MRPL30: variants seen among roughly 807,000 people sequenced by gnomAD.
The protein encoded by MRPL30 is mitochondrial ribosomal protein L30, also known as large ribosomal subunit protein uL30m.
A neutral mutation model predicts 17.2 loss-of-function variants in MRPL30; 10 were observed. The ratio of observed to expected loss-of-function variants is 0.58; its 90% CI spans 0.36 to 0.99. The LOEUF is 0.99. MRPL30 is among the 50% of genes least tolerant of loss of function. The pLI, the probability that MRPL30 is intolerant of heterozygous loss-of-function variation, is 0.01. For synonymous variants in MRPL30, 61 were observed against 62.1 expected (o/e 0.98, Z 0.08); for missense variants, 170 against 189.8 (o/e 0.90, Z 0.61).
chr2:99,183,752 C>T (rs552961060), intron 1 of MRPL30, among the ~76,000 whole-genome samples: 45 of 152,246 alleles, frequency 3.0e-4, no homozygotes, highest in African/African-American at 1.0e-3. Flanking sequence ...TACCTGTGTA[C>T]AGTTGATGAA....
Position 99,199,496 on chromosome 2 carries a change from CA to C in MRPL30, c.*3795del, listed in dbSNP as rs1205586026. On this transcript the variant is annotated 3_prime_UTR_variant, in exon 6 of 6. Coordinates refer to ENST00000338148, the MANE Select transcript of MRPL30 (RefSeq NM_145212.4). ...TATTATTTCTGTTTATTTTTTGCCT[CA>C]AAATTATTAAATGACATGAAATAAG... 1.3e-5 allele frequency among the ~76,000 whole-genome samples: 2 copies of C among 151,950 alleles called. No individual in the cohort carries two copies. The highest frequency in any genetic ancestry group is 1.3e-4 in the Admixed American group (2 of 15,242).
At chr2:99,195,434 T>G in intron 5 of MRPL30, 139 bp from the exon 6 acceptor site, 6 of 1,045,646 alleles carry the variant, frequency 5.7e-6, no homozygotes, top group Non-Finnish European at 8.4e-6. Context: ...ACATTTACCA[T>G]TTCTTCATGT....
chr2:99,184,778 T>C (rs1180013940), intron 1 of MRPL30, among the ~76,000 whole-genome samples: 1 of 152,216 alleles, frequency 6.6e-6, no homozygotes, highest in Non-Finnish European at 1.5e-5. Context: ...ATAGGTTCAG[T>C]TGCTGAGGAA....
intron 3 of MRPL30, 76 bp downstream of exon 3, chr2:99,188,333 A>C (rs1236126313): frequency 9.1e-7 from 1 of 1,096,320 alleles, no homozygotes; most frequent in African/African-American, 1.6e-5. Flanking sequence ...TTTTTGTAAT[A>C]TTGGAAGATT....
chr2:99,187,350 A>G (rs1382269075), intron 2 of MRPL30, among the ~76,000 whole-genome samples: 1 of 152,214 alleles, frequency 6.6e-6, no homozygotes, highest in Non-Finnish European at 1.5e-5. Context: ...AGAGGTAGGA[A>G]CTAGGAGTGA....
In MRPL30 at chr2:99,181,268, G is replaced by C; in HGVS notation, c.-28+19G>C. 2.6e-6 allele frequency: 1 copy of C among 382,908 alleles called. No homozygotes were observed. Among genetic ancestry groups the C allele is most frequent in the South Asian group, 3.3e-5 (1 of 29,856 alleles). 23.7% of individuals were successfully genotyped at this position (382,908 alleles called of 1,614,324 possible). On this transcript the variant is annotated intron_variant, in intron 1 of 5. Transcript: ENST00000338148. ...GGTGCCGGTGAGTGGGGAATGAGTG[G>C]CGGAGAGTGCGGCATTCTTCGCAAG... is the stretch of plus-strand genomic sequence containing the variant.
intron 1 of MRPL30, among the ~76,000 whole-genome samples, chr2:99,183,939 TATC>T (rs2093929938): frequency 1.3e-5 from 2 of 152,224 alleles, no homozygotes; most frequent in African/African-American, 4.8e-5. Context: ...TTGTTTTTGA[TATC>T]ATTGACAGTT....
chr2:99,187,827 CA>C (rs1045956887), intron 2 of MRPL30, among the ~76,000 whole-genome samples: 106 of 130,868 alleles, frequency 8.1e-4, no homozygotes, highest in Admixed American at 1.0e-3. Flanking sequence ...GACTCCGTCT[CA>C]AAAAAAAAAA....
rs903882571 is a variant in MRPL30, at chr2:99,194,619, A to C, written c.133-132A>C. 9 of 753,008 alleles carry C rather than the reference A, an allele frequency of 1.2e-5. No homozygotes were observed. In the South Asian group the frequency reaches 1.6e-4, roughly 14 times the overall value. 46.6% of individuals were successfully genotyped at this position (753,008 alleles called of 1,614,324 possible). On this transcript the variant is annotated intron_variant, in intron 3 of 5. Coordinates refer to ENST00000338148, the MANE Select transcript of MRPL30 (RefSeq NM_145212.4). The stretch of plus-strand genomic sequence containing the variant: ...GATAGAAATGTTCAATCTGAGGTTG[A>C]GGATTACATGATGATTAAGGATGAG...
At chr2:99,194,718 G>T in intron 3 of MRPL30, 33 bp from the exon 4 acceptor site, 1 of 1,556,858 alleles carries the variant, frequency 6.4e-7, no homozygotes, top group Non-Finnish European at 8.6e-7. Flanking sequence ...GTGTAAGTTG[G>T]AAATTTACCA....
Position 99,195,134 on chromosome 2 carries a change from C to T in MRPL30, c.298C>T (p.His100Tyr). 6.2e-7 allele frequency: 1 copy of T among 1,600,710 alleles called. No homozygotes were observed. Residue 100 changes from histidine to tyrosine, a missense_variant, in exon 5 of 6, where the codon CAC becomes TAC. His to Tyr is a moderately conservative substitution (Grantham distance 83). Coordinates refer to ENST00000338148, the MANE Select transcript of MRPL30 (RefSeq NM_145212.4). ...TTCACAGGCACATACCCCTCAAGTT[C>T]ACAAGAATATCCCTTCAGTGAATGC... ...GLEKAHTPQV[H>Y]KNIPSVNAKL...
chr2:99,186,467 G>T (rs2093934255), intron 2 of MRPL30, among the ~76,000 whole-genome samples: 1 of 151,998 alleles, frequency 6.6e-6, no homozygotes, highest in Non-Finnish European at 1.5e-5. Context: ...TGAGTAGCTG[G>T]GACTACAGGT....
intron 1 of MRPL30, among the ~76,000 whole-genome samples, chr2:99,183,714 A>G (rs998006088): frequency 2.0e-5 from 3 of 152,160 alleles, no homozygotes. Flanking sequence ...TGTATATGCT[A>G]CACTGTTTCC....
At chr2:99,192,505 A>G (rs1030436099) in intron 3 of MRPL30, among the ~76,000 whole-genome samples, 9 of 152,020 alleles carry the variant, frequency 5.9e-5, no homozygotes, top group Middle Eastern at 3.2e-3. Context: ...CTGTTCCTGT[A>G]TTAGTTTGCT....
intron 2 of MRPL30, 150 bp from the exon 3 acceptor site, chr2:99,188,027 T>C (rs2093936909): frequency 1.8e-6 from 1 of 562,740 alleles, no homozygotes; most frequent in Middle Eastern, 4.5e-4. Flanking sequence ...AGTGCTTAGA[T>C]GGGATGCGTT....
At chr2:99,187,438 T>C (rs1192515097) in intron 2 of MRPL30, among the ~76,000 whole-genome samples, 1 of 152,262 alleles carries the variant, frequency 6.6e-6, no homozygotes, top group African/African-American at 2.4e-5. Flanking sequence ...ATGTGAGTTA[T>C]TGCACATTGT....
chr2:99,195,557 T>A lies in MRPL30; in HGVS notation c.354-16T>A. 1 of 1,591,138 alleles carries A rather than the reference T, an allele frequency of 6.3e-7. No individual in the cohort carries two copies. The highest frequency in any genetic ancestry group is 1.2e-5 in the South Asian group (1 of 86,816). ...AACGTATTCCTCCTATCTAAACGCA[T>A]TTTCTTGTGTCACAGAATCAAGCCC... On this transcript the variant is annotated splice_polypyrimidine_tract_variant and intron_variant, in intron 5 of 5. Transcript: ENST00000338148.
intron 4 of MRPL30, 55 bp from the exon 5 acceptor site, chr2:99,195,061 A>G (rs373213474): frequency 6.8e-7 from 1 of 1,474,996 alleles, no homozygotes; most frequent in East Asian, 2.4e-5. Flanking sequence ...TTACTGAAAC[A>G]TGGAACTATC....
intron 3 of MRPL30, among the ~76,000 whole-genome samples, chr2:99,190,176 G>T (rs932367625): frequency 6.6e-6 from 1 of 152,008 alleles, no homozygotes; most frequent in Non-Finnish European, 1.5e-5. Flanking sequence ...CTAGCTTCTG[G>T]TGACTACCAT....
Sources: allele counts gnomAD v4.1 joint callset (sites outside exome capture counted in the v4.1 genomes callset), GRCh38; gene constraint gnomAD v4.1.1; transcripts MANE v1.5; gene names NCBI Gene and HGNC (gene_info 2026-07-23, HGNC 2026-07-21).